Variants in C3 observed in about 807,000 individuals in gnomAD.
C3 encodes C3 and PZP-like alpha-2-macroglobulin domain-containing protein 1.
A neutral mutation model predicts 207.9 loss-of-function variants in C3; 97 were observed. That is an observed-to-expected ratio of 0.47 (90% CI 0.40 to 0.55). C3 has a LOEUF of 0.55. C3 is among the 20% of genes least tolerant of loss of function. The pLI is 0.00. For missense variants in C3, 1,684 were observed against 2,171.7 expected, an observed-to-expected ratio of 0.78 and a Z score of 4.46; for synonymous variants, 848 against 857.6, an observed-to-expected ratio of 0.99 and a Z score of 0.20.
chr19:6,714,740 T>C (rs1015372540), intron 4 of C3, among the ~76,000 whole-genome samples: 1 of 152,164 alleles, frequency 6.6e-6, no homozygotes, highest in Non-Finnish European at 1.5e-5. Context: ...TAGGCACCCG[T>C]AATCCCAGCT....
Position 6,684,984 on chromosome 19 carries a change from G to A in C3, c.3969+4C>T, listed in dbSNP as rs1418927630. The A allele has an allele frequency of 3.6e-5, 58 of 1,613,402 alleles. No individual in the cohort carries two copies. Among genetic ancestry groups the A allele is most frequent in the Non-Finnish European group, 4.7e-5 (55 of 1,180,000 alleles). On this transcript the variant is annotated splice_donor_region_variant and intron_variant, in intron 30 of 40. Transcript: ENST00000245907. ...GTGAGGAGGGCTTGGCTGGGTGACT[G>A]TACCTCTTCTGATCGCAGGAGGCTG...
intron 33 of C3, 22 bp downstream of exon 33, chr19:6,684,365 AC>A (rs1281291151): frequency 1.7e-5 from 28 of 1,604,324 alleles, no homozygotes; most frequent in Non-Finnish European, 2.4e-5. Context: ...GCCAAGATGA[AC>A]CCCGGTGACC....
chr19:6,718,783 G>T (rs1460364992), intron 2 of C3, among the ~76,000 whole-genome samples: 1 of 150,888 alleles, frequency 6.6e-6, no homozygotes, highest in African/African-American at 2.4e-5. Context: ...CTTCGAGGGG[G>T]AGGGGCTTGG....
intron 12 of C3, 31 bp downstream of exon 12, chr19:6,710,956 C>CG (rs1967910514): frequency 3.1e-6 from 5 of 1,608,806 alleles, no homozygotes; most frequent in Non-Finnish European, 4.3e-6. Flanking sequence ...AAGGAGGAGG[C>CG]GGGGGCTGAG....
intron 22 of C3, 46 bp from the exon 23 acceptor site, chr19:6,696,511 C>T (rs1184837049): frequency 6.3e-7 from 1 of 1,593,418 alleles, no homozygotes; most frequent in East Asian, 2.2e-5. Context: ...TCCCTCCCGC[C>T]CTATCCTACC....
intron 27 of C3, among the ~76,000 whole-genome samples, chr19:6,689,682 C>A (rs2145403273): frequency 1.3e-5 from 2 of 152,054 alleles, no homozygotes; most frequent in South Asian, 4.2e-4. Flanking sequence ...CCCATCTCTA[C>A]TAAAAATACA....
Position 6,692,972 on chromosome 19 carries a change from G to A in C3, c.3342C>T (p.Pro1114=), listed in dbSNP as rs540886156. Residue 1114 remains proline (P), a synonymous_variant, in exon 26 of 41, where the codon CCC becomes CCT. Transcript: ENST00000245907. ...VKWLILEKQK[P]DGVFQEDAPV... is the part of the protein sequence containing the mutation. ...GCGCATCCTCCTGGAAGACCCCGTC[G>A]GGCTTCTGCTTCTCCAGGATCAGCC... 6.2e-7 allele frequency: 1 copy of A among 1,614,134 alleles called. No individual in the cohort carries two copies. The highest frequency in any genetic ancestry group is 1.1e-5 in the South Asian group (1 of 91,084).
At chr19:6,702,709 C>A in intron 17 of C3, 130 bp from the exon 18 acceptor site, 1 of 728,314 alleles carries the variant, frequency 1.4e-6, no homozygotes, top group Non-Finnish European at 2.5e-6. Context: ...ACCAGCCTAG[C>A]TAACATGGTG....
At chr19:6,694,357 T>G in intron 24 of C3, 74 bp downstream of exon 24, 32 of 1,358,748 alleles carry the variant, frequency 2.4e-5, no homozygotes, top group Non-Finnish European at 2.9e-5. Flanking sequence ...GGTCTTGAGA[T>G]GAGGTGGGAT....
intron 35 of C3, among the ~76,000 whole-genome samples, 197 bp downstream of exon 35, chr19:6,681,744 G>C (rs1482990475): frequency 6.6e-6 from 1 of 152,108 alleles, no homozygotes; most frequent in African/African-American, 2.4e-5. Context: ...CAGAAGATGA[G>C]ATGTTTATAG....
At chr19:6,718,539 TG>T in intron 2 of C3, 127 bp from the exon 3 acceptor site, 2 of 1,102,022 alleles carry the variant, frequency 1.8e-6, no homozygotes, top group Non-Finnish European at 2.7e-6. Context: ...GTGGCCGTTT[TG>T]GGGAGGGAGG....
rs897941074 is a variant in C3 at position 6,684,209 on chromosome 19, C to G, written c.4172+179G>C. 6 of 711,544 alleles carry G rather than the reference C, an allele frequency of 8.4e-6. No individual in the cohort carries two copies. In the African/African-American group the frequency reaches 1.0e-4, roughly 12 times the overall value. 44.1% of individuals were successfully genotyped at this position (711,544 alleles called of 1,614,324 possible). A position where few individuals can be genotyped will look rare whatever the true frequency, so the allele number is the denominator to read the frequency against. The stretch of plus-strand genomic sequence containing the variant: ...CAGCTTACGTGGTCATTGCTGTGGT[C>G]TCACATTAACATGCAAAGCAAGGAC... On this transcript the variant is annotated intron_variant, in intron 33 of 40. Coordinates refer to ENST00000245907, the MANE Select transcript of C3 (RefSeq NM_000064.4).
At chr19:6,686,993 G>A in intron 27 of C3, 91 bp from the exon 28 acceptor site, 2 of 1,345,560 alleles carry the variant, frequency 1.5e-6, no homozygotes, top group Non-Finnish European at 2.1e-6. Flanking sequence ...GAGCATCAGG[G>A]ATTTCTGTCC....
rs181106510 is a variant in C3 at position 6,700,488 on chromosome 19, A to G, written c.2440+1639T>C. On this transcript the variant is annotated intron_variant, in intron 19 of 40. Coordinates refer to ENST00000245907, the MANE Select transcript of C3 (RefSeq NM_000064.4). ...TATATATGTAATATATAATATATGTAATATGATATATTATATATGTAATAT... is the reference window on the plus strand; with the variant it reads ...TATATATGTAATATATAATATATGTGATATGATATATTATATATGTAATAT... 6.3e-5 allele frequency among the ~76,000 whole-genome samples: 2 copies of G among 31,960 alleles called. 1 individual carries two copies. Among genetic ancestry groups the G allele is most frequent in the Admixed American group, 1.3e-3 (2 of 1,514 alleles). The allele number at this position is 31,960 out of a possible 152,430, so 21.0% of individuals were successfully genotyped here. A position where few individuals can be genotyped will look rare whatever the true frequency, so the allele number is the denominator to read the frequency against.
chr19:6,709,653 T>G, intron 14 of C3, 31 bp downstream of exon 14: 1 of 1,423,228 alleles, frequency 7.0e-7, no homozygotes. Context: ...CCTCCGCCTC[T>G]TCTCAGCAGC....
chr19:6,689,328 C>CT (rs1599503345), intron 27 of C3, among the ~76,000 whole-genome samples: 4 of 53,270 alleles, frequency 7.5e-5, no homozygotes, highest in African/African-American at 3.9e-4. Flanking sequence ...TCTCTACCTA[C>CT]CTCCCTCCCT....
In C3 at chr19:6,678,464, G is replaced by A. The variant is rs116302413; in HGVS notation, c.4631-9C>T. On this transcript the variant is annotated splice_polypyrimidine_tract_variant and intron_variant, in intron 38 of 40. Transcript: ENST00000245907. Reference sequence around the variant, plus strand: ...CAGTCGGGTCTTGTACACTGTGGGGGAGAGGCAGACAGTTTGGGTGGTGGG... The same window carrying A: ...CAGTCGGGTCTTGTACACTGTGGGGAAGAGGCAGACAGTTTGGGTGGTGGG... The A allele has an allele frequency of 4.7e-4, 761 of 1,613,302 alleles. 4 individuals are homozygous for A. The African/African-American group carries it at 7.8e-3, about 17-fold the overall frequency.
intron 17 of C3, among the ~76,000 whole-genome samples, chr19:6,706,541 G>A (rs1380295336): frequency 6.6e-6 from 1 of 152,080 alleles, no homozygotes; most frequent in Non-Finnish European, 1.5e-5. Context: ...CACGCTGGCA[G>A]GGCATCACCT....
chr19:6,715,353 G>C (rs960669063), intron 4 of C3, among the ~76,000 whole-genome samples: 2 of 152,064 alleles, frequency 1.3e-5, no homozygotes, highest in African/African-American at 4.8e-5. Flanking sequence ...GCGCACGTCT[G>C]TGGTCCCAGC....
Sources: allele counts gnomAD v4.1 joint callset (sites outside exome capture counted in the v4.1 genomes callset), GRCh38; gene constraint gnomAD v4.1.1; transcripts MANE v1.5; gene names NCBI Gene and HGNC (gene_info 2026-07-23, HGNC 2026-07-21).